Variants in MYO16 observed in about 807,000 individuals in gnomAD.
The protein encoded by MYO16 is unconventional myosin-XVI.
MYO16 carries 94 observed loss-of-function variants against 205.3 expected under a neutral mutation model. That is an observed-to-expected ratio of 0.46 (90% CI 0.39 to 0.54). The LOEUF is 0.54. Ranked by LOEUF, MYO16 falls within the 20% of genes least tolerant of loss-of-function variation. MYO16 has a pLI of 0.00. For synonymous variants in MYO16, 988 were observed against 954.0 expected (o/e 1.04, Z -0.66); for missense variants, 2,315 against 2,387.5 (o/e 0.97, Z 0.63).
chr13:109,061,589 C>T (rs923041857), intron 27 of MYO16, among the ~76,000 whole-genome samples: 2 of 151,956 alleles, frequency 1.3e-5, no homozygotes, highest in African/African-American at 2.4e-5. Flanking sequence ...ACACATGACA[C>T]GTATTGATGA....
intron 16 of MYO16, among the ~76,000 whole-genome samples, chr13:108,923,008 T>A (rs75134221): frequency 0.016 from 2,512 of 152,306 alleles, 68 homozygotes; most frequent in African/African-American, 0.057. Context: ...CCCAGTCACA[T>A]GCTAGGAGCG....
intron 5 of MYO16, among the ~76,000 whole-genome samples, chr13:108,786,706 C>T (rs567649750): frequency 1.2e-4 from 18 of 152,304 alleles, no homozygotes; most frequent in African/African-American, 3.4e-4. Context: ...TAGTCTTATT[C>T]TCTGTGAAAG....
chr13:108,638,974 C>T (rs535320707), intron 1 of MYO16, among the ~76,000 whole-genome samples: 1 of 152,194 alleles, frequency 6.6e-6, no homozygotes, highest in Admixed American at 6.5e-5. Context: ...CACAAAGCAC[C>T]ATGTTGTGAC....
intron 6 of MYO16, among the ~76,000 whole-genome samples, chr13:108,795,062 G>C (rs1886743123): frequency 6.6e-6 from 1 of 151,910 alleles, no homozygotes; most frequent in African/African-American, 2.4e-5. Flanking sequence ...GTTTTCTTAT[G>C]ACTTAGAGTT....
chr13:109,114,077 C>T (rs1325368031), intron 28 of MYO16, among the ~76,000 whole-genome samples: 1 of 152,098 alleles, frequency 6.6e-6, no homozygotes, highest in Non-Finnish European at 1.5e-5. Context: ...GCTAACTTTT[C>T]ACTGGGGAGC....
chr13:109,206,611 A>T lies in MYO16; in HGVS notation c.5418A>T (p.Val1806=). 1 of 1,610,172 alleles carries T rather than the reference A, an allele frequency of 6.2e-7. No homozygotes were observed. The highest frequency in any genetic ancestry group is 8.5e-7 in the Non-Finnish European group (1 of 1,176,722). ...TTCTGCCCCTCTTCCTCCCACAGGT[A>T]ATCCATCAGCTGAGGCTCTCAGAGA... ...QRHRDSHTTQ[V]IHQLRLSENE... The change falls in exon 35 of 35, where the codon GTA becomes GTT. Residue 1806 remains valine, a splice_region_variant and synonymous_variant. Coordinates refer to ENST00000457511, the MANE Select transcript of MYO16 (RefSeq NM_001198950.3).
chr13:108,731,116 T>C (rs1298471042), intron 4 of MYO16, among the ~76,000 whole-genome samples: 1 of 152,194 alleles, frequency 6.6e-6, no homozygotes, highest in Non-Finnish European at 1.5e-5. Context: ...AAAAATTTGA[T>C]GTATATTCAG....
chr13:108,696,274 C>A (rs1883086638), intron 2 of MYO16, among the ~76,000 whole-genome samples: 1 of 152,120 alleles, frequency 6.6e-6, no homozygotes, highest in South Asian at 2.1e-4. Context: ...TACAAAAAGA[C>A]TTGTGCAAGA....
At chr13:108,922,978 AAG>A (rs1184975837) in intron 16 of MYO16, among the ~76,000 whole-genome samples, 1 of 152,164 alleles carries the variant, frequency 6.6e-6, no homozygotes, top group African/African-American at 2.4e-5. Context: ...AGCAAACACA[AAG>A]AGAGGTTCCA....
intron 3 of MYO16, among the ~76,000 whole-genome samples, chr13:108,722,995 T>C (rs1884218262): frequency 6.6e-6 from 1 of 152,088 alleles, no homozygotes; most frequent in East Asian, 1.9e-4. Context: ...ATCCTAATAA[T>C]GGTGTCTGCT....
chr13:108,870,666 T>C (rs552936596), intron 12 of MYO16, among the ~76,000 whole-genome samples: 141 of 152,196 alleles, frequency 9.3e-4, no homozygotes, highest in South Asian at 3.7e-3. Context: ...ATAGAATTAT[T>C]CATAGTTCTA....
chr13:108,875,787 T>C (rs762202536), intron 12 of MYO16, among the ~76,000 whole-genome samples: 4 of 152,012 alleles, frequency 2.6e-5, no homozygotes, highest in Non-Finnish European at 5.9e-5. Flanking sequence ...GGCAGGAGGA[T>C]CGCTTGACCC....
chr13:109,048,964 G>GAAAAAAAAAAA (rs9301336), intron 24 of MYO16: 2 of 76,920 alleles, frequency 2.6e-5, no homozygotes, highest in Non-Finnish European at 4.6e-5. Flanking sequence ...AAAGGAGGCA[G>GAAAAAAAAAAA]AAAAAAAAAA....
At chr13:108,655,681 G>A (rs769786087) in intron 1 of MYO16, among the ~76,000 whole-genome samples, 17 of 152,156 alleles carry the variant, frequency 1.1e-4, no homozygotes, top group Middle Eastern at 3.2e-3. Flanking sequence ...GCCAGGAGCC[G>A]GGGCTATACC....
At chr13:108,957,254 C>G (rs929055131) in intron 16 of MYO16, among the ~76,000 whole-genome samples, 4 of 151,752 alleles carry the variant, frequency 2.6e-5, no homozygotes, top group Non-Finnish European at 5.9e-5. Context: ...CGTGGTGGCA[C>G]GCACCTGTAA....
intron 14 of MYO16, among the ~76,000 whole-genome samples, chr13:108,890,699 A>G (rs1880132221): frequency 6.6e-6 from 1 of 152,230 alleles, no homozygotes; most frequent in South Asian, 2.1e-4. Flanking sequence ...AGGAGAGTTG[A>G]TGCTGGTGAA....
Position 108,713,906 on chromosome 13 carries a change from C to A in MYO16, c.363+1175C>A, listed in dbSNP as rs182728180. Among the ~76,000 whole-genome samples, 189 of 152,284 alleles carry A rather than the reference C, an allele frequency of 1.2e-3. 1 individual carries two copies. The highest frequency in any genetic ancestry group is 5.8e-3 in the Admixed American group (89 of 15,300). ...TTACACTCAGATCCTCATATGGCTTCCATGATATTTTCAAGGAGCCATGTC... is the reference window on the plus strand; with the variant it reads ...TTACACTCAGATCCTCATATGGCTTACATGATATTTTCAAGGAGCCATGTC... On this transcript the variant is annotated intron_variant, in intron 3 of 34. Transcript: ENST00000457511.
intron 16 of MYO16, among the ~76,000 whole-genome samples, chr13:108,919,398 A>G (rs1274631460): frequency 6.6e-6 from 1 of 152,216 alleles, no homozygotes; most frequent in Non-Finnish European, 1.5e-5. Context: ...TTTAATAAAT[A>G]TTGCTTTTCT....
chr13:108,521,086 G>A, the MYO16 span, among the ~76,000 whole-genome samples: 94 of 151,630 alleles, frequency 6.2e-4, no homozygotes, highest in Admixed American at 1.1e-3. Context: ...TATCCAAAAT[G>A]TATATAGGTC....
Sources: gnomAD v4.1 joint callset for allele counts (sites outside exome capture counted in the v4.1 genomes callset) on GRCh38, gnomAD v4.1.1 for gene constraint, MANE v1.5 for transcripts, NCBI Gene and HGNC (gene_info 2026-07-23, HGNC 2026-07-21) for gene names.